The following MTSS2 variants were observed in gnomAD, a reference collection of about 807,000 sequenced individuals.
MTSS2 encodes MTSS I-BAR domain containing 2.
In MTSS2, 27 loss-of-function variants were observed where a neutral mutation model predicts 67.1. The observed-to-expected ratio is 0.40, with a 90% confidence interval of 0.30 to 0.55. The LOEUF (loss-of-function observed/expected upper bound fraction) is 0.55. MTSS2 is among the 20% of genes least tolerant of loss of function. MTSS2 has a pLI of 0.43. For synonymous variants in MTSS2, 624 were observed against 468.6 expected, an observed-to-expected ratio of 1.33 and a Z score of -4.28; for missense variants, 1,171 against 1,067.8, an observed-to-expected ratio of 1.10 and a Z score of -1.35.
intron 9 of MTSS2, among the ~76,000 whole-genome samples, chr16:70,677,529 G>A (rs2053158738): frequency 6.6e-6 from 1 of 152,134 alleles, no homozygotes; most frequent in African/African-American, 2.4e-5. Context: ...AGCAGGGCAG[G>A]CAGACTCTGG....
At chr16:70,674,657 T>G in intron 10 of MTSS2, 129 bp from the exon 11 acceptor site, 10 of 786,000 alleles carry the variant, frequency 1.3e-5, no homozygotes, top group South Asian at 5.1e-5. Flanking sequence ...AATGTCAGAC[T>G]AGGAGGTCCT....
At position 70,663,624 on chromosome 16, in the gene MTSS2, G is replaced by C; in HGVS notation, c.*53C>G. 1 of 1,497,580 alleles carries C rather than the reference G, an allele frequency of 6.7e-7. No individual in the cohort carries two copies. The highest frequency in any genetic ancestry group is 8.9e-7 in the Non-Finnish European group (1 of 1,122,238). The allele number at this position is 1,497,580 out of a possible 1,614,324, so 92.8% of individuals were successfully genotyped here. On this transcript the variant is annotated 3_prime_UTR_variant, in exon 15 of 15. Coordinates refer to ENST00000338779, the MANE Select transcript of MTSS2 (RefSeq NM_138383.3). ...TTGCTCTGAGTGCCTGCGGCTCACA[G>C]ACCAGGCCACCTGCTCGCACTGGGG... is the stretch of plus-strand genomic sequence containing the variant.
At position 70,681,524 on chromosome 16, in the gene MTSS2, C is replaced by T. The variant is rs976164525; in HGVS notation, c.70-499G>A. On this transcript the variant is annotated intron_variant, in intron 1 of 14. Coordinates refer to ENST00000338779, the MANE Select transcript of MTSS2 (RefSeq NM_138383.3). Reference sequence around the variant, plus strand: ...CACACCAGGTGTAGACTGGGGCCTCCGGGGCCCCTGCCCTGTGTCCTGGAA... The same window carrying T: ...CACACCAGGTGTAGACTGGGGCCTCTGGGGCCCCTGCCCTGTGTCCTGGAA... Among the ~76,000 whole-genome samples, 9 of 152,250 alleles carry T rather than the reference C, an allele frequency of 5.9e-5. No homozygotes were observed. The South Asian group carries it at 6.2e-4, about 11-fold the overall frequency.
At chr16:70,670,934 C>T (rs183254229) in intron 11 of MTSS2, among the ~76,000 whole-genome samples, 4 of 141,336 alleles carry the variant, frequency 2.8e-5, no homozygotes, top group Non-Finnish European at 6.0e-5. Context: ...TGTGCCACTG[C>T]ACTCCAGCCT....
At position 70,667,476 on chromosome 16, in the gene MTSS2, C is replaced by A. The variant is rs1327423785; in HGVS notation, c.1054-1936G>T. On this transcript the variant is annotated intron_variant, in intron 11 of 14. Coordinates refer to ENST00000338779, the MANE Select transcript of MTSS2 (RefSeq NM_138383.3). ...AGGAAAACAACACAAAACAAAAAAA[C>A]AAAACCACCCTAAAACATCAGTGTA... 3.3e-5 allele frequency among the ~76,000 whole-genome samples: 5 copies of A among 152,096 alleles called. No homozygotes were observed. In the South Asian group the frequency reaches 6.2e-4, roughly 19 times the overall value.
At chr16:70,675,338 G>C (rs547671340) in intron 10 of MTSS2, among the ~76,000 whole-genome samples, 3 of 151,144 alleles carry the variant, frequency 2.0e-5, no homozygotes. Context: ...CAGGAGAATC[G>C]CTTGAACCCG....
chr16:70,662,554 C>T lies in MTSS2; in HGVS notation c.*1123G>A, dbSNP rs2052524934. 1 of 152,448 alleles carries T rather than the reference C, an allele frequency of 6.6e-6. No homozygotes were observed. Among genetic ancestry groups the T allele is most frequent in the African/African-American group, 2.4e-5 (1 of 41,434 alleles). The allele number at this position is 152,448 out of a possible 1,614,324, so 9.4% of individuals were successfully genotyped here. A position where few individuals can be genotyped will look rare whatever the true frequency, so the allele number is the denominator to read the frequency against. ...AGACCACAGCAGACAGGCCGGGAGC[C>T]TCCCAACCTTATTTTGGCTACGCTC... On this transcript the variant is annotated 3_prime_UTR_variant, in exon 15 of 15. Transcript: ENST00000338779.
intron 11 of MTSS2, 30 bp downstream of exon 11, chr16:70,674,276 C>A: frequency 1.2e-6 from 2 of 1,601,122 alleles, no homozygotes; most frequent in East Asian, 4.5e-5. Flanking sequence ...CTGCACCCCA[C>A]CCTGACTGAT....
chr16:70,680,054 C>T lies in MTSS2; in HGVS notation c.207G>A (p.Gly69=). The T allele has an allele frequency of 6.6e-7, 1 of 1,520,284 alleles. No individual in the cohort carries two copies. The highest frequency in any genetic ancestry group is 1.4e-5 in the African/African-American group (1 of 69,808). 94.2% of individuals were successfully genotyped at this position (1,520,284 alleles called of 1,614,324 possible). ...KVADMATNTR[G]ATRDIGSALT... is the part of the protein sequence containing the mutation. ...GCGCCGAGCCGATGTCCCTCGTGGCCCCTGGCGAGGCAAGCGCGGGGTGGG... is the reference window on the plus strand; with the variant it reads ...GCGCCGAGCCGATGTCCCTCGTGGCTCCTGGCGAGGCAAGCGCGGGGTGGG... Residue 69 remains glycine (G), a splice_region_variant and synonymous_variant, in exon 4 of 15, where the codon GGG becomes GGA. Transcript: ENST00000338779.
Position 70,679,986 on chromosome 16 carries a change from A to G in MTSS2, c.275T>C (p.Leu92Pro). The change falls in exon 4 of 15, where the codon CTG becomes CCG. Residue 92 changes from leucine (L) to proline (P), a missense_variant. Around this residue, in one of 2 missense-constraint regions of MTSS2, gnomAD observed 247 missense variants for 311.8 expected, o/e 0.79. Coordinates refer to ENST00000338779, the MANE Select transcript of MTSS2 (RefSeq NM_138383.3). ...CMRHRSIETK[L>P]RQFTNALLES... Reference sequence around the variant, plus strand: ...GCCCACTCACTTGGTGAACTGCCGCAGCTTGGTCTCGATGCTGCGGTGGCG... The same window carrying G: ...GCCCACTCACTTGGTGAACTGCCGCGGCTTGGTCTCGATGCTGCGGTGGCG... 1 of 1,510,716 alleles carries G rather than the reference A, an allele frequency of 6.6e-7. No individual in the cohort carries two copies. The highest frequency in any genetic ancestry group is 8.8e-7 in the Non-Finnish European group (1 of 1,137,096). 93.6% of individuals were successfully genotyped at this position (1,510,716 alleles called of 1,614,324 possible).
chr16:70,680,168 GC>G, intron 3 of MTSS2, 113 bp from the exon 4 acceptor site: 3 of 563,812 alleles, frequency 5.3e-6, no homozygotes, highest in Non-Finnish European at 7.2e-6. Context: ...CCCGCGCCCT[GC>G]CCCCGCCGAG....
intron 11 of MTSS2, among the ~76,000 whole-genome samples, chr16:70,672,858 G>A (rs2052989215): frequency 6.6e-6 from 1 of 152,038 alleles, no homozygotes; most frequent in Non-Finnish European, 1.5e-5. Context: ...GAATCAAAGT[G>A]GAAGTAAAGA....
At chr16:70,666,655 C>T (rs554856690) in intron 11 of MTSS2, among the ~76,000 whole-genome samples, 55 of 152,292 alleles carry the variant, frequency 3.6e-4, no homozygotes, top group African/African-American at 1.2e-3. Flanking sequence ...TAAAAGGAAA[C>T]CAGGCACCAC....
intron 11 of MTSS2, among the ~76,000 whole-genome samples, chr16:70,671,342 G>A (rs911477639): frequency 1.3e-5 from 2 of 151,082 alleles, no homozygotes; most frequent in Non-Finnish European, 2.9e-5. Context: ...GGCAGAGGTT[G>A]CAGTAGCCAA....
At chr16:70,667,768 G>A (rs2052771612) in intron 11 of MTSS2, among the ~76,000 whole-genome samples, 1 of 152,104 alleles carries the variant, frequency 6.6e-6, no homozygotes, top group Non-Finnish European at 1.5e-5. Flanking sequence ...AGCTACTCGG[G>A]AGGCTGAGGC....
In MTSS2 at chr16:70,678,260, G is replaced by C; in HGVS notation, c.616C>G (p.Pro206Ala). The change falls in exon 8 of 15, where the codon CCT becomes GCT. Residue 206 changes from proline to alanine, a missense_variant. Around this residue, in one of 2 missense-constraint regions of MTSS2, gnomAD observed 247 missense variants for 311.8 expected, o/e 0.79. Coordinates refer to ENST00000338779, the MANE Select transcript of MTSS2 (RefSeq NM_138383.3). The stretch of plus-strand genomic sequence containing the variant: ...GTCCCCAGGAGTCCCACCACCACAG[G>C]CTGCAGGAAGGTGATGAAGGTGCAG... Reference protein sequence around the residue: ...RFCTFITFLQPVVNGELTMLG... With the variant: ...RFCTFITFLQAVVNGELTMLG... 1.9e-6 allele frequency: 3 copies of C among 1,608,384 alleles called. No homozygotes were observed. Among genetic ancestry groups the C allele is most frequent in the Non-Finnish European group, 2.5e-6 (3 of 1,178,114 alleles).
chr16:70,677,984 T>A (rs1273173827), intron 8 of MTSS2, 85 bp from the exon 9 acceptor site: 3 of 1,191,326 alleles, frequency 2.5e-6, no homozygotes. Context: ...GCAGCCCTTG[T>A]CGGGCCTCTC....
In MTSS2 at chr16:70,663,713, G is replaced by A. The variant is rs771837648; in HGVS notation, c.2208C>T (p.Thr736=). The change falls in exon 15 of 15, where the codon ACC becomes ACT. Residue 736 remains threonine (T), a synonymous_variant. Transcript: ENST00000338779. ...AIRRGVRLRR[T]VTNDRSAPRI... is the part of the protein sequence containing the mutation. ...GGGGCGCCGACCTGTCGTTGGTGAC[G>A]GTCCTGCGGAGCCGGACCCCACGCC... 7.8e-5 allele frequency: 123 copies of A among 1,586,886 alleles called. No homozygotes were observed. The highest frequency in any genetic ancestry group is 3.0e-4 in the African/African-American group (22 of 74,412).
rs747592090 is a variant in MTSS2, at chr16:70,664,160, C to G, written c.1761G>C (p.Arg587=). ...ALSSAGPIPI[R]PPIVPVKTPT... ...GCGTCTTCACAGGGACGATGGGCGGCCGGATGGGGATGGGGCCAGCGCTGG... is the reference window on the plus strand; with the variant it reads ...GCGTCTTCACAGGGACGATGGGCGGGCGGATGGGGATGGGGCCAGCGCTGG... Residue 587 remains arginine, a synonymous_variant, in exon 15 of 15, where the codon CGG becomes CGC. Transcript: ENST00000338779. 1.4e-5 allele frequency: 23 copies of G among 1,606,750 alleles called. No individual in the cohort carries two copies. The Middle Eastern group carries it at 6.6e-4, about 46-fold the overall frequency.
Sources: gnomAD v4.1 joint callset for allele counts (sites outside exome capture counted in the v4.1 genomes callset) on GRCh38, gnomAD v4.1.1 for gene constraint, gnomAD v4.1.1 regional missense constraint, MANE v1.5 for transcripts, NCBI Gene and HGNC (gene_info 2026-07-23, HGNC 2026-07-21) for gene names.